The following MYOM2 variants were observed in gnomAD, a reference collection of about 807,000 sequenced individuals.
The protein encoded by MYOM2 is myomesin-2.
Under a neutral mutation model 187.6 loss-of-function variants are expected in MYOM2, and 254 were observed. The ratio of observed to expected loss-of-function variants is 1.35; its 90% confidence interval spans 1.22 to 1.50. The LOEUF (loss-of-function observed/expected upper bound fraction) is 1.50. Ranked by LOEUF, MYOM2 falls within the 40% of genes most tolerant of loss-of-function variation. The pLI is 0.00. For synonymous variants in MYOM2, 981 were observed against 753.8 expected, an observed-to-expected ratio of 1.30 and a Z score of -4.94; for missense variants, 2,796 against 1,924.0, an observed-to-expected ratio of 1.45 and a Z score of -8.48.
intron 27 of MYOM2, among the ~76,000 whole-genome samples, chr8:2,117,670 G>A (rs963356044): frequency 1.3e-5 from 2 of 152,048 alleles, no homozygotes; most frequent in African/African-American, 2.4e-5. Flanking sequence ...GTGTTAACAC[G>A]TGTCGACATC....
chr8:2,110,835 A>G (rs917132683), intron 25 of MYOM2, among the ~76,000 whole-genome samples: 1 of 100,450 alleles, frequency 1.0e-5, no homozygotes, highest in African/African-American at 5.0e-5. Flanking sequence ...TGTTGATCAG[A>G]CAGAAGTCTT....
At chr8:2,063,789 C>A (rs1818924612) in intron 6 of MYOM2, among the ~76,000 whole-genome samples, 1 of 152,192 alleles carries the variant, frequency 6.6e-6, no homozygotes, top group South Asian at 2.1e-4. Flanking sequence ...ACCAGCTTCT[C>A]CCAGGGGGTT....
At position 2,072,596 on chromosome 8, in the gene MYOM2, T is replaced by C. The variant is rs533029179; in HGVS notation, c.958+87T>C. On this transcript the variant is annotated intron_variant, in intron 9 of 36. Transcript: ENST00000262113. ...TTAAATGTGGGTGTCAATGTGGCTT[T>C]TGTCTCTACCACTGGGTCAGCTCCA... 6,371 of 1,457,168 alleles carry C rather than the reference T, an allele frequency of 4.4e-3. 36 individuals are homozygous for C. Among genetic ancestry groups the C allele is most frequent in the Non-Finnish European group, 4.6e-3 (5,040 of 1,090,682 alleles). The allele number at this position is 1,457,168 out of a possible 1,614,324, so 90.3% of individuals were successfully genotyped here. A position where few individuals can be genotyped will look rare whatever the true frequency, so the allele number is the denominator to read the frequency against.
At chr8:2,105,853 A>G (rs959722241) in intron 21 of MYOM2, among the ~76,000 whole-genome samples, 5 of 152,144 alleles carry the variant, frequency 3.3e-5, no homozygotes, top group South Asian at 4.1e-4. Context: ...TCACGCTGGT[A>G]TGAAGAAATA....
intron 3 of MYOM2, among the ~76,000 whole-genome samples, chr8:2,055,547 C>T (rs982297166): frequency 1.3e-5 from 2 of 152,084 alleles, no homozygotes; most frequent in East Asian, 1.9e-4. Context: ...GTGAGGTCCC[C>T]GATTCCTAAG....
chr8:2,142,290 T>G, intron 34 of MYOM2, 85 bp from the exon 35 acceptor site: 40 of 1,312,522 alleles, frequency 3.0e-5, no homozygotes, highest in Non-Finnish European at 4.0e-5. Flanking sequence ...TCATCGCTAG[T>G]GAGCCTCTCA....
At chr8:2,095,918 A>C (rs962970164) in intron 17 of MYOM2, among the ~76,000 whole-genome samples, 2 of 152,220 alleles carry the variant, frequency 1.3e-5, no homozygotes, top group African/African-American at 4.8e-5. Context: ...AGCTTCTTTC[A>C]AGGGGCCGAG....
At chr8:2,046,727 T>G (rs1371452354) in intron 1 of MYOM2, among the ~76,000 whole-genome samples, 1 of 148,672 alleles carries the variant, frequency 6.7e-6, no homozygotes, top group African/African-American at 2.5e-5. Flanking sequence ...AAAGCTGCTT[T>G]CTTTCTCTCT....
intron 32 of MYOM2, among the ~76,000 whole-genome samples, chr8:2,130,811 T>A (rs866156199): frequency 2.6e-4 from 39 of 152,228 alleles, no homozygotes; most frequent in Admixed American, 1.9e-3. Flanking sequence ...ACTAGAACTC[T>A]GGTGAGTTTT....
intron 14 of MYOM2, among the ~76,000 whole-genome samples, chr8:2,088,648 A>C (rs1796179995): frequency 6.6e-6 from 1 of 152,198 alleles, no homozygotes. Context: ...TGGGGGCACC[A>C]CATTTTCTCT....
intron 24 of MYOM2, 111 bp downstream of exon 24, chr8:2,108,941 T>A: frequency 9.6e-7 from 1 of 1,041,370 alleles, no homozygotes; most frequent in Non-Finnish European, 1.5e-6. Flanking sequence ...ATGGCCTGAT[T>A]TCCTGATCCC....
chr8:2,058,575 G>T lies in MYOM2; in HGVS notation c.561-578G>T, dbSNP rs77129889. 2.6e-5 allele frequency among the ~76,000 whole-genome samples: 4 copies of T among 152,264 alleles called. No homozygotes were observed. The South Asian group carries it at 6.2e-4, about 24-fold the overall frequency. On this transcript the variant is annotated intron_variant, in intron 5 of 36. Coordinates refer to ENST00000262113, the MANE Select transcript of MYOM2 (RefSeq NM_003970.4). The stretch of plus-strand genomic sequence containing the variant: ...TCAACATATATTGCTAAAGTTATAC[G>T]TATATATCTATGTGCATTTATATGT...
chr8:2,098,849 C>G lies in MYOM2; in HGVS notation c.2314-8C>G. ...TCTCATGTATTAATTTAAACAAAAT[C>G]TGAATAGGTGGACGGCTTGACGGAA... On this transcript the variant is annotated splice_polypyrimidine_tract_variant and splice_region_variant and intron_variant, in intron 18 of 36. Transcript: ENST00000262113. 1.9e-6 allele frequency: 3 copies of G among 1,606,480 alleles called. No homozygotes were observed. The highest frequency in any genetic ancestry group is 2.6e-6 in the Non-Finnish European group (3 of 1,174,356).
chr8:2,047,480 C>G (rs1260055314), intron 1 of MYOM2, among the ~76,000 whole-genome samples: 1 of 152,204 alleles, frequency 6.6e-6, no homozygotes, highest in Non-Finnish European at 1.5e-5. Context: ...GTCAAATGCG[C>G]AGAAGACTTG....
In MYOM2 at chr8:2,144,990, T is replaced by C. The variant is rs767456087; in HGVS notation, c.*9T>C. The C allele has an allele frequency of 1.2e-6, 2 of 1,612,258 alleles. No individual in the cohort carries two copies. The highest frequency in any genetic ancestry group is 1.7e-4 in the Middle Eastern group (1 of 6,032). On this transcript the variant is annotated 3_prime_UTR_variant, in exon 37 of 37. Coordinates refer to ENST00000262113, the MANE Select transcript of MYOM2 (RefSeq NM_003970.4). ...CAGCGGCAGGCCAGTGAAGGCGTTT[T>C]CCTAGCCTGGAGATGGGAAAATATG...
chr8:2,128,582 A>C (rs1797738148), intron 31 of MYOM2, among the ~76,000 whole-genome samples: 1 of 152,172 alleles, frequency 6.6e-6, no homozygotes, highest in Non-Finnish European at 1.5e-5. Context: ...CTTCATTTTT[A>C]TTCCAAGTAC....
intron 32 of MYOM2, among the ~76,000 whole-genome samples, chr8:2,137,905 C>G (rs1798137625): frequency 6.6e-6 from 1 of 152,220 alleles, no homozygotes; most frequent in Non-Finnish European, 1.5e-5. Context: ...GCCTTCAGGT[C>G]TCTGCACAGA....
chr8:2,049,123 C>T (rs541122854), intron 1 of MYOM2, among the ~76,000 whole-genome samples: 8 of 152,274 alleles, frequency 5.3e-5, no homozygotes, highest in South Asian at 4.1e-4. Context: ...TGCAACGTTC[C>T]GTTATATCCC....
At chr8:2,054,885 G>GATACTGGGGAACCAAGTACCTGC (rs1563414636) in intron 3 of MYOM2, among the ~76,000 whole-genome samples, 12 of 128,134 alleles carry the variant, frequency 9.4e-5, no homozygotes, top group African/African-American at 3.1e-4. Flanking sequence ...CTGGCACCTG[G>GATACTGGGGAACCAAGTACCTGC]ATACTGGGGA....
Sources: gnomAD v4.1 joint callset for allele counts (sites outside exome capture counted in the v4.1 genomes callset) on GRCh38, gnomAD v4.1.1 for gene constraint, MANE v1.5 for transcripts, NCBI Gene and HGNC (gene_info 2026-07-23, HGNC 2026-07-21) for gene names.